Variants in C9 observed in about 807,000 individuals in gnomAD.
C9 encodes the protein complement component C9.
A neutral mutation model predicts 65.4 loss-of-function variants in C9; 63 were observed. That is an observed-to-expected ratio of 0.96 (90% CI 0.79 to 1.19). C9 has a LOEUF of 1.19. Ranked by LOEUF, C9 falls within the 50% of genes most tolerant of loss-of-function variation. C9 has a pLI of 0.00. For synonymous variants in C9, 229 were observed against 227.9 expected (o/e 1.00, Z -0.04); for missense variants, 744 against 670.1 (o/e 1.11, Z -1.22).
intron 1 of C9, among the ~76,000 whole-genome samples, chr5:39,357,962 GGAGA>G (rs150644311): frequency 6.6e-6 from 1 of 150,506 alleles, no homozygotes; most frequent in African/African-American, 2.4e-5. Context: ...AGCATGGGGT[GGAGA>G]GAGAGAGAGA....
chr5:39,294,425 G>T (rs1297891984), intron 9 of C9, among the ~76,000 whole-genome samples: 2 of 151,752 alleles, frequency 1.3e-5, no homozygotes, highest in African/African-American at 4.8e-5. Context: ...ATTAGATACT[G>T]CTATGAACAA....
intron 1 of C9, among the ~76,000 whole-genome samples, chr5:39,349,263 C>T (rs2111971235): frequency 6.6e-6 from 1 of 151,968 alleles, no homozygotes; most frequent in Middle Eastern, 3.5e-3. Flanking sequence ...CTTAGAGACT[C>T]TGATTCATTG....
At chr5:39,356,898 T>G (rs1024316295) in intron 1 of C9, among the ~76,000 whole-genome samples, 1 of 152,218 alleles carries the variant, frequency 6.6e-6, no homozygotes, top group African/African-American at 2.4e-5. Flanking sequence ...GCTATTAGGC[T>G]GAGTGGAGAA....
At chr5:39,291,744 T>G (rs1753101324) in intron 9 of C9, among the ~76,000 whole-genome samples, 1 of 151,736 alleles carries the variant, frequency 6.6e-6, no homozygotes, top group Non-Finnish European at 1.5e-5. Flanking sequence ...AATAATATTA[T>G]AAAGAGTCAA....
At chr5:39,336,826 T>A (rs73749498) in intron 4 of C9, among the ~76,000 whole-genome samples, 14,507 of 152,076 alleles carry the variant, frequency 0.095, 895 homozygotes, top group African/African-American at 0.18. Flanking sequence ...CAAAAAGAGA[T>A]CCCATAGTTA....
chr5:39,285,543 C>G (rs951040419), intron 10 of C9, among the ~76,000 whole-genome samples: 2 of 152,086 alleles, frequency 1.3e-5, no homozygotes, highest in African/African-American at 4.8e-5. Context: ...GCTAATTGGA[C>G]TGGGTTCAAA....
intron 9 of C9, 61 bp downstream of exon 9, chr5:39,306,556 A>C: frequency 1.5e-6 from 2 of 1,295,982 alleles, no homozygotes; most frequent in Middle Eastern, 1.8e-4. Context: ...CACCTGAAAC[A>C]ATGTGACATT....
chr5:39,351,955 G>A (rs1754331804), intron 1 of C9, among the ~76,000 whole-genome samples: 1 of 152,112 alleles, frequency 6.6e-6, no homozygotes, highest in Non-Finnish European at 1.5e-5. Context: ...GTTCTCACAT[G>A]GCTATAAAGA....
intron 1 of C9, among the ~76,000 whole-genome samples, chr5:39,344,151 C>T (rs1377074899): frequency 1.3e-5 from 2 of 152,112 alleles, no homozygotes; most frequent in Non-Finnish European, 2.9e-5. Flanking sequence ...TCCTCACCAG[C>T]AATGGAACAA....
At chr5:39,363,274 G>A (rs867837426) in intron 1 of C9, among the ~76,000 whole-genome samples, 2 of 152,116 alleles carry the variant, frequency 1.3e-5, no homozygotes, top group Non-Finnish European at 2.9e-5. Flanking sequence ...AGGTCTGGTC[G>A]AGCACTGGAT....
intron 1 of C9, among the ~76,000 whole-genome samples, chr5:39,346,342 A>G (rs1295402244): frequency 6.6e-6 from 1 of 152,224 alleles, no homozygotes; most frequent in African/African-American, 2.4e-5. Context: ...AGGGGATATC[A>G]CCACTGATCC....
chr5:39,317,455 C>G (rs1347276228), intron 5 of C9, among the ~76,000 whole-genome samples: 1 of 152,116 alleles, frequency 6.6e-6, no homozygotes, highest in East Asian at 1.9e-4. Context: ...AGATTTTCTT[C>G]TAGGATTTCT....
At chr5:39,352,843 T>G (rs868679350) in intron 1 of C9, among the ~76,000 whole-genome samples, 11,621 of 150,032 alleles carry the variant, frequency 0.077, 857 homozygotes, top group African/African-American at 0.19. Context: ...AGTTTTTTTT[T>G]TTTTTTTTTT....
rs1012587782 is a variant in C9 at position 39,331,513 on chromosome 5, G to T, written c.615+163C>A. On this transcript the variant is annotated intron_variant, in intron 5 of 10. Coordinates refer to ENST00000263408, the MANE Select transcript of C9 (RefSeq NM_001737.5). ...TACTGAGGATTGAGAAGACACAATTGTATGTTTCTAAAGAGATCCAAACTA... is the reference window on the plus strand; with the variant it reads ...TACTGAGGATTGAGAAGACACAATTTTATGTTTCTAAAGAGATCCAAACTA... 2.0e-5 allele frequency among the ~76,000 whole-genome samples: 3 copies of T among 152,264 alleles called. No homozygotes were observed. In the East Asian group the frequency reaches 5.8e-4, roughly 29 times the overall value.
At chr5:39,327,172 A>C (rs189066757) in intron 5 of C9, among the ~76,000 whole-genome samples, 205 of 152,274 alleles carry the variant, frequency 1.3e-3, no homozygotes, top group Non-Finnish European at 2.2e-3. Flanking sequence ...CAAAAATCAG[A>C]TCAGGGATCA....
Position 39,342,109 on chromosome 5 carries a change from A to T in C9, c.165T>A (p.Asp55Glu). 3 of 1,590,656 alleles carry T rather than the reference A, an allele frequency of 1.9e-6. No homozygotes were observed. Among genetic ancestry groups the T allele is most frequent in the Non-Finnish European group, 2.6e-6 (3 of 1,158,500 alleles). Residue 55 changes from aspartate to glutamate, a missense_variant, in exon 2 of 11, where the codon GAT becomes GAA. Asp to Glu is a conservative substitution (Grantham distance 45, BLOSUM62 2). Transcript: ENST00000263408. ...CACTTACCATTTGTCTGAGACAAGG[A>T]TCGCATTGTGACCATTCACTCCAGG... is the stretch of plus-strand genomic sequence containing the variant. ...MSPWSEWSQC[D>E]PCLRQMFRSR...
At position 39,329,875 on chromosome 5, in the gene C9, A is replaced by G. The variant is rs187844120; in HGVS notation, c.615+1801T>C. 4.1e-4 allele frequency among the ~76,000 whole-genome samples: 62 copies of G among 152,340 alleles called. 1 individual carries two copies. The East Asian group carries it at 0.011, about 26-fold the overall frequency. On this transcript the variant is annotated intron_variant, in intron 5 of 10. Transcript: ENST00000263408. ...AAAATCATCTCTAAGGAGTTAAAGT[A>G]GATATTTCCCCTCATGTAAGTTTGT... is the stretch of plus-strand genomic sequence containing the variant.
intron 10 of C9, among the ~76,000 whole-genome samples, chr5:39,285,905 T>A (rs1752983668): frequency 1.3e-5 from 2 of 152,060 alleles, no homozygotes; most frequent in Admixed American, 1.3e-4. Flanking sequence ...TTCAATCTCA[T>A]CATGGGTGTA....
chr5:39,305,871 G>A lies in C9; in HGVS notation c.1416+746C>T, dbSNP rs774084954. ...ACTTTATGAACATTTCTTTCATAAA[G>A]ACCCTTAGGCCAGGCATGGGGGCTC... On this transcript the variant is annotated intron_variant, in intron 9 of 10. Coordinates refer to ENST00000263408, the MANE Select transcript of C9 (RefSeq NM_001737.5). Among the ~76,000 whole-genome samples the A allele has an allele frequency of 2.5e-4, 38 of 151,966 alleles. 1 individual carries two copies. The highest frequency in any genetic ancestry group is 1.2e-4 in the Non-Finnish European group (8 of 67,978).
Sources: allele counts gnomAD v4.1 joint callset (sites outside exome capture counted in the v4.1 genomes callset), GRCh38; gene constraint gnomAD v4.1.1; transcripts MANE v1.5; gene names NCBI Gene and HGNC (gene_info 2026-07-23, HGNC 2026-07-21).